Variants in OXSR1 observed in about 807,000 individuals in gnomAD.
OXSR1 encodes the protein serine/threonine-protein kinase OSR1.
A neutral mutation model predicts 79.8 loss-of-function variants in OXSR1; 24 were observed. That is an observed-to-expected ratio of 0.30 (90% CI 0.22 to 0.42). The LOEUF is 0.42. OXSR1 is among the 10% of genes least tolerant of loss of function. The probability of loss-of-function intolerance (pLI) is 1.00; values close to 1 mark genes in which losing one functional copy is unlikely to be tolerated. For missense variants in OXSR1, 430 were observed against 618.4 expected (o/e 0.70, Z 3.23); for synonymous variants, 226 against 209.2 (o/e 1.08, Z -0.69).
At chr3:38,185,322 C>T (rs577464521) in intron 2 of OXSR1, among the ~76,000 whole-genome samples, 34 of 152,292 alleles carry the variant, frequency 2.2e-4, no homozygotes, top group African/African-American at 5.5e-4. Context: ...CAGTGGCTTA[C>T]GCCTGTAATC....
At chr3:38,208,273 G>A (rs1447665947) in intron 4 of OXSR1, among the ~76,000 whole-genome samples, 3 of 152,088 alleles carry the variant, frequency 2.0e-5, no homozygotes, top group African/African-American at 7.2e-5. Flanking sequence ...TACAGTTTTA[G>A]ATGGAAATTC....
intron 7 of OXSR1, 39 bp from the exon 8 acceptor site, chr3:38,224,532 A>G: frequency 1.3e-6 from 2 of 1,513,584 alleles, no homozygotes; most frequent in Non-Finnish European, 1.8e-6. Flanking sequence ...AACTTTACTG[A>G]GTCATCACAA....
chr3:38,230,473 A>G (rs1447455562), intron 10 of OXSR1, 43 bp downstream of exon 10: 3 of 1,316,942 alleles, frequency 2.3e-6, no homozygotes, highest in Admixed American at 3.6e-5. Context: ...AATTTACTTT[A>G]TTTTTGCATT....
chr3:38,167,029 G>A (rs920137663), intron 1 of OXSR1, among the ~76,000 whole-genome samples: 1 of 152,150 alleles, frequency 6.6e-6, no homozygotes, highest in East Asian at 1.9e-4. Context: ...CTTGAGTAAG[G>A]GAAGAGCTTG....
intron 1 of OXSR1, among the ~76,000 whole-genome samples, chr3:38,178,628 T>A (rs1414937073): frequency 1.2e-3 from 169 of 137,296 alleles, no homozygotes; most frequent in Middle Eastern, 3.9e-3. Context: ...ATATTTTTTT[T>A]TTTTTTTTTT....
intron 2 of OXSR1, among the ~76,000 whole-genome samples, chr3:38,190,206 A>T (rs933085160): frequency 6.6e-6 from 1 of 152,168 alleles, no homozygotes; most frequent in Non-Finnish European, 1.5e-5. Context: ...GAGATAGAGT[A>T]AGCTTAGATT....
Position 38,165,964 on chromosome 3 carries a change from G to T in OXSR1, c.70+18G>T. On this transcript the variant is annotated intron_variant, in intron 1 of 17. Transcript: ENST00000311806. The stretch of plus-strand genomic sequence containing the variant: ...GGTGATCGGTGAGAGCAGGCGCTGC[G>T]GAGGGGGGAGGCGCGGCGCTGGGAG... 1 of 1,605,400 alleles carries T rather than the reference G, an allele frequency of 6.2e-7. No homozygotes were observed. The highest frequency in any genetic ancestry group is 8.5e-7 in the Non-Finnish European group (1 of 1,175,630).
upstream of OXSR1, chr3:38,165,348 C>G (rs1347706525): frequency 6.5e-6 from 1 of 154,500 alleles, no homozygotes; most frequent in African/African-American, 2.4e-5. Context: ...TCGATGCCTT[C>G]GATGAACCTC....
intron 3 of OXSR1, among the ~76,000 whole-genome samples, chr3:38,193,769 TC>T (rs1471773833): frequency 6.6e-6 from 1 of 152,296 alleles, no homozygotes; most frequent in South Asian, 2.1e-4. Context: ...ACCCAATTTT[TC>T]TAGCCTAGCA....
rs188419840 is a variant in OXSR1, at chr3:38,176,943, A to G, written c.71-6060A>G. On this transcript the variant is annotated intron_variant, in intron 1 of 17. Transcript: ENST00000311806. ...GGTTTACATAGGACATGCTATTAATATATTTCAGGTTTTATGTATATAAGA... is the reference window on the plus strand; with the variant it reads ...GGTTTACATAGGACATGCTATTAATGTATTTCAGGTTTTATGTATATAAGA... 3.3e-5 allele frequency among the ~76,000 whole-genome samples: 5 copies of G among 152,340 alleles called. No individual in the cohort carries two copies. In the East Asian group the frequency reaches 7.7e-4, roughly 23 times the overall value.
In OXSR1 at chr3:38,246,229, CG is replaced by C. The variant is rs754495681; in HGVS notation, c.1257+12del. ...CCAGCAAAAACAGCTCAGGTAAAGC[CG>C]GGGATATGGTTTCATGGTCACTCCT... On this transcript the variant is annotated intron_variant, in intron 13 of 17. Transcript: ENST00000311806. 3.2e-5 allele frequency: 51 copies of C among 1,613,198 alleles called. No individual in the cohort carries two copies. Among genetic ancestry groups the C allele is most frequent in the Non-Finnish European group, 4.1e-5 (48 of 1,179,592 alleles).
intron 3 of OXSR1, chr3:38,193,468 T>C: frequency 8.6e-7 from 1 of 1,162,090 alleles, no homozygotes; most frequent in Non-Finnish European, 1.1e-6. Flanking sequence ...ATTTTCTTTA[T>C]TTGTAATTTA....
At chr3:38,176,664 C>T (rs1459659818) in intron 1 of OXSR1, among the ~76,000 whole-genome samples, 5 of 152,232 alleles carry the variant, frequency 3.3e-5, no homozygotes, top group African/African-American at 7.2e-5. Context: ...ACATTAGCAT[C>T]TTGTCATTTG....
At position 38,216,091 on chromosome 3, in the gene OXSR1, TA is replaced by T. The variant is rs397958017; in HGVS notation, c.435-2del. ...TGATACATAACTTTTTTTTTTTTTT[TA>T]AAGAGATGTGAAAGCTGGAAACATT... is the stretch of plus-strand genomic sequence containing the variant. On this transcript the variant is annotated splice_region_variant and splice_polypyrimidine_tract_variant and intron_variant, in intron 4 of 17. Transcript: ENST00000311806. The T allele has an allele frequency of 2.8e-5, 43 of 1,535,028 alleles. No homozygotes were observed. The highest frequency in any genetic ancestry group is 7.4e-5 in the Admixed American group (4 of 53,952).
chr3:38,181,578 G>A (rs528569926), intron 1 of OXSR1, among the ~76,000 whole-genome samples: 101 of 152,082 alleles, frequency 6.6e-4, no homozygotes, highest in Non-Finnish European at 1.2e-3. Flanking sequence ...AGATGGTCGC[G>A]ATCTCCTGAC....
At position 38,200,384 on chromosome 3, in the gene OXSR1, C is replaced by T. The variant is rs1049360175; in HGVS notation, c.434+1521C>T. 3.3e-5 allele frequency among the ~76,000 whole-genome samples: 5 copies of T among 152,084 alleles called. No individual in the cohort carries two copies. The South Asian group carries it at 6.2e-4, about 19-fold the overall frequency. ...CAGGAAACTTTTTTTTAAACCTTTC[C>T]TATGATGTTGAAAAACTCAGGAAAC... is the stretch of plus-strand genomic sequence containing the variant. On this transcript the variant is annotated intron_variant, in intron 4 of 17. Coordinates refer to ENST00000311806, the MANE Select transcript of OXSR1 (RefSeq NM_005109.3).
intron 2 of OXSR1, among the ~76,000 whole-genome samples, chr3:38,188,732 A>G (rs536785201): frequency 4.7e-4 from 72 of 152,332 alleles, no homozygotes; most frequent in African/African-American, 1.7e-3. Context: ...ACAATCAACA[A>G]TCTTAAAAAC....
chr3:38,230,429 A>C lies in OXSR1; in HGVS notation c.950A>C (p.Lys317Thr). ...CCAACCATTTCTGAAAGAGCAAAAAAGGTAAATCAGAATTTAACTCAGTTT... is the reference window on the plus strand; with the variant it reads ...CCAACCATTTCTGAAAGAGCAAAAACGGTAAATCAGAATTTAACTCAGTTT... Reference protein sequence around the residue: ...RAPTISERAKKVRRVPGSSGR... With the variant: ...RAPTISERAKTVRRVPGSSGR... The change falls in exon 10 of 18, where the codon AAG (lysine) becomes ACG (threonine). Residue 317 changes from lysine (K) to threonine (T), a missense_variant and splice_region_variant. Physicochemically the swap from Lys to Thr is moderately conservative, Grantham distance 78 (BLOSUM62 -1). Coordinates refer to ENST00000311806, the MANE Select transcript of OXSR1 (RefSeq NM_005109.3). The C allele has an allele frequency of 6.3e-7, 1 of 1,590,958 alleles. No individual in the cohort carries two copies. The highest frequency in any genetic ancestry group is 8.6e-7 in the Non-Finnish European group (1 of 1,160,558).
chr3:38,174,282 G>A (rs768037150), intron 1 of OXSR1, among the ~76,000 whole-genome samples: 5 of 152,068 alleles, frequency 3.3e-5, no homozygotes, highest in Non-Finnish European at 7.4e-5. Flanking sequence ...CCTGACTTTC[G>A]TTTTAAAACT....
Sources: allele counts gnomAD v4.1 joint callset (sites outside exome capture counted in the v4.1 genomes callset), GRCh38; gene constraint gnomAD v4.1.1; transcripts MANE v1.5; gene names NCBI Gene and HGNC (gene_info 2026-07-23, HGNC 2026-07-21).